GRAMD1B: variants seen among roughly 807,000 people sequenced by gnomAD.
GRAMD1B encodes the protein GRAM domain containing 1B, also known as protein Aster-B.
GRAMD1B carries 37 observed loss-of-function variants against 99.7 expected under a neutral mutation model. The ratio of observed to expected loss-of-function variants is 0.37; its 90% CI spans 0.29 to 0.49. GRAMD1B has a LOEUF of 0.49. Among genes scored for constraint, GRAMD1B ranks in the 20% least tolerant of loss-of-function variants. The pLI is 0.98. For synonymous variants in GRAMD1B, 427 were observed against 387.6 expected (o/e 1.10, Z -1.19); for missense variants, 888 against 1,009.2 (o/e 0.88, Z 1.63).
intron 1 of GRAMD1B, among the ~76,000 whole-genome samples, chr11:123,448,302 G>C (rs1320110299): frequency 6.6e-6 from 1 of 152,010 alleles, no homozygotes. Context: ...GCCCAGGCTG[G>C]AGTGCAGTGG....
chr11:123,472,256 G>C (rs1413465600), intron 1 of GRAMD1B, among the ~76,000 whole-genome samples: 1 of 151,720 alleles, frequency 6.6e-6, no homozygotes, highest in East Asian at 1.9e-4. Context: ...AAAGAAAAAA[G>C]AAAGAAGTGG....
At chr11:123,440,424 C>T (rs954961268) in intron 1 of GRAMD1B, among the ~76,000 whole-genome samples, 9 of 152,026 alleles carry the variant, frequency 5.9e-5, no homozygotes, top group Non-Finnish European at 1.3e-4. Context: ...ACGGGAGAAT[C>T]GTTTAAACCG....
chr11:123,565,070 G>T (rs570621125), intron 2 of GRAMD1B, among the ~76,000 whole-genome samples: 3 of 152,152 alleles, frequency 2.0e-5, no homozygotes, highest in Admixed American at 2.0e-4. Flanking sequence ...ATCTCACTCT[G>T]TTGACTAGGC....
intron 1 of GRAMD1B, among the ~76,000 whole-genome samples, chr11:123,407,666 C>G (rs1165765160): frequency 6.6e-6 from 1 of 152,172 alleles, no homozygotes; most frequent in Non-Finnish European, 1.5e-5. Context: ...CTTTTCAGAG[C>G]ATGAGGGGCC....
intron 1 of GRAMD1B, among the ~76,000 whole-genome samples, chr11:123,372,004 A>G (rs545951050): frequency 1.2e-4 from 18 of 146,774 alleles, no homozygotes; most frequent in East Asian, 5.8e-4. Flanking sequence ...AAATCAGGGG[A>G]AAAAAAAAAT....
At chr11:123,476,940 A>G (rs1951307056) in intron 1 of GRAMD1B, among the ~76,000 whole-genome samples, 1 of 152,106 alleles carries the variant, frequency 6.6e-6, no homozygotes, top group South Asian at 2.1e-4. Flanking sequence ...GAGAGTTATC[A>G]TTTTTCTGCT....
chr11:123,561,304 G>A (rs1946743163), intron 2 of GRAMD1B, among the ~76,000 whole-genome samples: 1 of 152,198 alleles, frequency 6.6e-6, no homozygotes, highest in Admixed American at 6.5e-5. Context: ...GTAGGAGCTG[G>A]CCAGAGCTGT....
chr11:123,580,854 T>A (rs532317709), intron 3 of GRAMD1B, among the ~76,000 whole-genome samples: 12 of 150,156 alleles, frequency 8.0e-5, no homozygotes, highest in African/African-American at 2.9e-4. Flanking sequence ...CCCACCGCGG[T>A]GCGGGCATCG....
At chr11:123,515,723 G>T (rs1941608977) in intron 2 of GRAMD1B, among the ~76,000 whole-genome samples, 1 of 151,468 alleles carries the variant, frequency 6.6e-6, no homozygotes, top group Admixed American at 6.6e-5. Context: ...TATATTTAAA[G>T]AATATTTAAA....
chr11:123,579,040 G>C (rs1226679952), intron 3 of GRAMD1B, among the ~76,000 whole-genome samples: 1 of 152,216 alleles, frequency 6.6e-6, no homozygotes, highest in Non-Finnish European at 1.5e-5. Flanking sequence ...GGTGTGCTTA[G>C]GATCCTGAAT....
intron 1 of GRAMD1B, among the ~76,000 whole-genome samples, chr11:123,476,753 G>A (rs56042230): frequency 0.081 from 12,294 of 152,250 alleles, 660 homozygotes; most frequent in Middle Eastern, 0.12. Flanking sequence ...GTACATGAGA[G>A]TGGTAAACGG....
At chr11:123,368,262 A>AC in intron 1 of GRAMD1B, among the ~76,000 whole-genome samples, 22 of 138,702 alleles carry the variant, frequency 1.6e-4, no homozygotes, top group Admixed American at 3.5e-4. Flanking sequence ...TTAAAACAAA[A>AC]AAAAAAAAAA....
chr11:123,596,077 A>C lies in GRAMD1B; in HGVS notation c.969+40A>C, dbSNP rs1235766833. Reference sequence around the variant, plus strand: ...ACTCTGGCCTTTCTAATCCTCCCTTACTCCTCCTACTCTTGTATTTCTGCC... The same window carrying C: ...ACTCTGGCCTTTCTAATCCTCCCTTCCTCCTCCTACTCTTGTATTTCTGCC... On this transcript the variant is annotated intron_variant, in intron 7 of 19. Transcript: ENST00000635736. The C allele has an allele frequency of 3.0e-6, 3 of 1,014,620 alleles. No homozygotes were observed. In the Admixed American group the frequency reaches 6.3e-5, roughly 21 times the overall value. 62.9% of individuals were successfully genotyped at this position (1,014,620 alleles called of 1,614,324 possible).
intron 1 of GRAMD1B, among the ~76,000 whole-genome samples, chr11:123,377,709 G>A (rs1187554392): frequency 3.9e-5 from 6 of 152,194 alleles, no homozygotes; most frequent in African/African-American, 1.4e-4. Context: ...ACATTCAGAA[G>A]AGCTGGAAGA....
At chr11:123,361,466 G>A (rs1001509793) in intron 1 of GRAMD1B, among the ~76,000 whole-genome samples, 11 of 152,146 alleles carry the variant, frequency 7.2e-5, no homozygotes, top group South Asian at 2.1e-4. Context: ...GGTGTCTGCT[G>A]CACTTCATAC....
intron 1 of GRAMD1B, among the ~76,000 whole-genome samples, chr11:123,394,804 T>C (rs185598302): frequency 1.1e-4 from 16 of 152,108 alleles, no homozygotes; most frequent in African/African-American, 3.1e-4. Context: ...TGCCAGCAGG[T>C]TTAGTGTTTG....
intron 1 of GRAMD1B, among the ~76,000 whole-genome samples, chr11:123,403,259 T>C (rs1419755657): frequency 1.3e-5 from 2 of 151,834 alleles, no homozygotes; most frequent in African/African-American, 2.4e-5. Context: ...ACCCTGTCTC[T>C]ACTAAAATTA....
chr11:123,549,005 T>C (rs1456944630), intron 2 of GRAMD1B, among the ~76,000 whole-genome samples: 1 of 152,108 alleles, frequency 6.6e-6, no homozygotes, highest in Non-Finnish European at 1.5e-5. Context: ...CTCATGGCAG[T>C]GTAGCTGTTC....
At chr11:123,456,919 C>CA (rs546768047) in intron 1 of GRAMD1B, among the ~76,000 whole-genome samples, 12,233 of 81,558 alleles carry the variant, frequency 0.15, 838 homozygotes, top group Non-Finnish European at 0.19. Flanking sequence ...GACTCTGTCT[C>CA]AAAAAAAAAA....
Sources: gnomAD v4.1 joint callset for allele counts (sites outside exome capture counted in the v4.1 genomes callset) on GRCh38, gnomAD v4.1.1 for gene constraint, MANE v1.5 for transcripts, NCBI Gene and HGNC (gene_info 2026-07-23, HGNC 2026-07-21) for gene names.